The following MAPK10 variants were observed in gnomAD, a reference collection of about 807,000 sequenced individuals.
MAPK10 encodes the protein JNK3 alpha protein kinase.
MAPK10 carries 25 observed loss-of-function variants against 59.3 expected under a neutral mutation model. The ratio of observed to expected loss-of-function variants is 0.42; its 90% CI spans 0.31 to 0.59. The LOEUF is 0.59. Ranked by LOEUF, MAPK10 falls within the 20% of genes least tolerant of loss-of-function variation. The pLI is 0.15. For synonymous variants in MAPK10, 190 were observed against 200.5 expected (o/e 0.95, Z 0.44); for missense variants, 351 against 568.9 (o/e 0.62, Z 3.90).
rs190139640 is a variant in MAPK10 at position 86,520,088 on chromosome 4, G to T, written c.-263+73822C>A. On this transcript the variant is annotated intron_variant, in intron 1 of 4. Coordinates refer to the MAPK10 transcript ENST00000502302. ...TGACTTTAGGTAACCTGATGACTAT[G>T]TGCCTAGGTTATAATCTTTCTGCAA... 2.0e-5 allele frequency among the ~76,000 whole-genome samples: 3 copies of T among 152,244 alleles called. No homozygotes were observed. In the East Asian group the frequency reaches 5.8e-4, roughly 29 times the overall value.
intron 2 of MAPK10, among the ~76,000 whole-genome samples, chr4:86,338,928 C>A (rs1315414102): frequency 1.3e-5 from 2 of 151,774 alleles, no homozygotes; most frequent in Non-Finnish European, 1.5e-5. Flanking sequence ...ACATTCAATT[C>A]TCTCAAAGAC....
intron 13 of MAPK10, among the ~76,000 whole-genome samples, chr4:86,021,390 A>G (rs1746740035): frequency 6.7e-6 from 1 of 148,968 alleles, no homozygotes; most frequent in Non-Finnish European, 1.5e-5. Flanking sequence ...AGGTTCTCCA[A>G]GGCCCCACCA....
intron 1 of MAPK10, among the ~76,000 whole-genome samples, chr4:86,428,478 T>C (rs1747596711): frequency 6.6e-6 from 1 of 152,114 alleles, no homozygotes; most frequent in African/African-American, 2.4e-5. Flanking sequence ...ACTTTCTTTA[T>C]ATAGGGTTAA....
At chr4:86,201,363 C>T (rs576087978) in intron 2 of MAPK10, among the ~76,000 whole-genome samples, 2 of 151,992 alleles carry the variant, frequency 1.3e-5, no homozygotes, top group South Asian at 2.1e-4. Flanking sequence ...TCCCTGCCAA[C>T]ATTTGATGTA....
At chr4:86,146,432 AG>A (rs1437686912) in intron 4 of MAPK10, among the ~76,000 whole-genome samples, 1 of 152,204 alleles carries the variant, frequency 6.6e-6, no homozygotes, top group Non-Finnish European at 1.5e-5. Context: ...TAGACATTTT[AG>A]AGAGGGCAAA....
chr4:86,473,541 A>C (rs1460529426), intron 1 of MAPK10, among the ~76,000 whole-genome samples: 2 of 152,242 alleles, frequency 1.3e-5, no homozygotes, highest in African/African-American at 2.4e-5. Context: ...CTCTTCCTCC[A>C]GCCCCAGCCT....
At chr4:86,309,919 A>G (rs1189262604) in intron 2 of MAPK10, among the ~76,000 whole-genome samples, 2 of 152,188 alleles carry the variant, frequency 1.3e-5, no homozygotes, top group Non-Finnish European at 2.9e-5. Flanking sequence ...TGAAAGGAAA[A>G]TATCTCAGGC....
intron 2 of MAPK10, among the ~76,000 whole-genome samples, chr4:86,297,825 G>T (rs1247171219): frequency 2.0e-5 from 3 of 151,954 alleles, no homozygotes; most frequent in African/African-American, 7.3e-5. Context: ...ATTTCCCTCT[G>T]GTAACCTTTA....
At chr4:86,243,505 G>T (rs1407163223) in intron 2 of MAPK10, among the ~76,000 whole-genome samples, 1 of 152,096 alleles carries the variant, frequency 6.6e-6, no homozygotes, top group Non-Finnish European at 1.5e-5. Flanking sequence ...CTCAGAACTT[G>T]TTCTCTCCTC....
intron 1 of MAPK10, among the ~76,000 whole-genome samples, chr4:86,525,378 G>A (rs1467672047): frequency 1.3e-5 from 2 of 152,170 alleles, no homozygotes; most frequent in African/African-American, 4.8e-5. Context: ...AGAGGGATGA[G>A]AGTGAGGAGG....
intron 13 of MAPK10, among the ~76,000 whole-genome samples, chr4:86,021,767 A>C (rs6531892): frequency 0.21 from 32,144 of 152,168 alleles, 4,098 homozygotes; most frequent in African/African-American, 0.35. Context: ...AAGGCAGCTA[A>C]GGCCCGGCGA....
At chr4:86,319,629 G>C (rs1250108669) in intron 2 of MAPK10, among the ~76,000 whole-genome samples, 2 of 152,166 alleles carry the variant, frequency 1.3e-5, no homozygotes, top group Non-Finnish European at 2.9e-5. Context: ...GCAGCAACCT[G>C]AATCCAGGAG....
chr4:86,071,933 G>T (rs141544300), intron 9 of MAPK10, among the ~76,000 whole-genome samples: 22,583 of 85,328 alleles, frequency 0.26, 2,705 homozygotes, highest in African/African-American at 0.4. Flanking sequence ...GTGAAGAAAG[G>T]CATTGGTAGC....
At chr4:86,159,111 A>G (rs2068736023) in intron 4 of MAPK10, 187 bp downstream of exon 4, 1 of 426,228 alleles carries the variant, frequency 2.3e-6, no homozygotes, top group African/African-American at 2.1e-5. Flanking sequence ...AGTTGTATAT[A>G]TTGTTAGCAA....
chr4:86,564,957 T>A (rs1230009134), intron 1 of MAPK10, among the ~76,000 whole-genome samples: 1 of 152,168 alleles, frequency 6.6e-6, no homozygotes, highest in Non-Finnish European at 1.5e-5. Context: ...TGATTTGGCA[T>A]CTCGAGAACT....
chr4:86,122,932 A>G (rs1322958107), intron 4 of MAPK10, among the ~76,000 whole-genome samples: 4 of 151,924 alleles, frequency 2.6e-5, no homozygotes, highest in East Asian at 3.9e-4. Context: ...TCTTGCTTCA[A>G]TTTTTGCAGA....
intron 2 of MAPK10, among the ~76,000 whole-genome samples, chr4:86,224,074 C>T (rs76737117): frequency 0.085 from 12,890 of 152,004 alleles, 1,199 homozygotes; most frequent in African/African-American, 0.23. Flanking sequence ...CTTTATGATC[C>T]GAAATATCAA....
At position 86,267,833 on chromosome 4, in the gene MAPK10, GCA is replaced by G. The variant is rs1409628257; in HGVS notation, c.-6-73428_-6-73427del. ...TTAGCAAAACCTATCTCTACCTTCA[GCA>G]CTCTCCCTTCCTCTTCTGTTTTTAT... is the stretch of plus-strand genomic sequence containing the variant. On this transcript the variant is annotated intron_variant, in intron 2 of 13. Transcript: ENST00000641462. Among the ~76,000 whole-genome samples, 3 of 151,934 alleles carry G rather than the reference GCA, an allele frequency of 2.0e-5. 1 individual carries two copies. The highest frequency in any genetic ancestry group is 2.0e-4 in the Admixed American group (3 of 15,232).
chr4:86,170,692 A>C (rs1253056089), intron 3 of MAPK10, among the ~76,000 whole-genome samples: 1 of 152,092 alleles, frequency 6.6e-6, no homozygotes, highest in African/African-American at 2.4e-5. Flanking sequence ...AAGGATACCC[A>C]GGAATTGAAC....
Sources: allele counts gnomAD v4.1 joint callset (sites outside exome capture counted in the v4.1 genomes callset), GRCh38; gene constraint gnomAD v4.1.1; transcripts MANE v1.5; gene names NCBI Gene and HGNC (gene_info 2026-07-23, HGNC 2026-07-21).